The following MPPED1 variants were observed in gnomAD, a reference collection of about 807,000 sequenced individuals.
The protein encoded by MPPED1 is metallophosphoesterase domain-containing protein 1.
MPPED1 carries 16 observed loss-of-function variants against 36.2 expected under a neutral mutation model. That is an observed-to-expected ratio of 0.44 (90% CI 0.30 to 0.67). The LOEUF is 0.67. MPPED1 is among the 30% of genes least tolerant of loss of function. The pLI is 0.10. For synonymous variants in MPPED1, 199 were observed against 191.3 expected (o/e 1.04, Z -0.33); for missense variants, 307 against 453.4 (o/e 0.68, Z 2.93).
intron 3 of MPPED1, among the ~76,000 whole-genome samples, chr22:43,467,835 C>T (rs868725335): frequency 1.2e-4 from 18 of 152,150 alleles, no homozygotes; most frequent in Non-Finnish European, 2.2e-4. Flanking sequence ...TACTTTGCTC[C>T]GGGAATGGCA....
intron 4 of MPPED1, among the ~76,000 whole-genome samples, chr22:43,478,770 C>T (rs1931654490): frequency 6.6e-6 from 1 of 152,166 alleles, no homozygotes; most frequent in Non-Finnish European, 1.5e-5. Context: ...CGTCCACCCA[C>T]CGTGCTGCTG....
At chr22:43,488,544 T>G (rs1413876922) in intron 4 of MPPED1, among the ~76,000 whole-genome samples, 2 of 152,214 alleles carry the variant, frequency 1.3e-5, no homozygotes, top group East Asian at 1.9e-4. Context: ...TAGACGGGAC[T>G]CGAAGGTTAC....
chr22:43,467,323 A>G (rs2146876100), intron 3 of MPPED1, among the ~76,000 whole-genome samples: 1 of 152,344 alleles, frequency 6.6e-6, no homozygotes, highest in South Asian at 2.1e-4. Flanking sequence ...AGTACAGGGT[A>G]GCAGAATTCA....
chr22:43,455,115 C>CTTTTTTTTTTTTTTTTT lies in MPPED1; in HGVS notation c.407-19609_407-19608insTTTTTTTTTTTTTTTTT, dbSNP rs71284734. On this transcript the variant is annotated intron_variant, in intron 3 of 6. Transcript: ENST00000443721. The stretch of plus-strand genomic sequence containing the variant: ...TTCTCTGCCTCTCTGCCTTCATGTC[C>CTTTTTTTTTTTTTTTTT]TTTTTTTTTTTTGAGACGAAGTCTT... Among the ~76,000 whole-genome samples, 11 of 122,766 alleles carry CTTTTTTTTTTTTTTTTT rather than the reference C, an allele frequency of 9.0e-5. 2 individuals carry two copies. The highest frequency in any genetic ancestry group is 9.8e-5 in the Non-Finnish European group (6 of 61,508). The allele number at this position is 122,766 out of a possible 152,430, so 80.5% of individuals were successfully genotyped here.
intron 3 of MPPED1, among the ~76,000 whole-genome samples, chr22:43,447,390 A>G (rs772800606): frequency 2.0e-5 from 3 of 152,174 alleles, no homozygotes; most frequent in Non-Finnish European, 4.4e-5. Context: ...TGAACAAGCC[A>G]GAAAATCCTG....
intron 4 of MPPED1, among the ~76,000 whole-genome samples, chr22:43,496,264 A>G (rs372763359): frequency 0.28 from 2,462 of 8,876 alleles, 15 homozygotes; most frequent in Middle Eastern, 0.36. Context: ...TGGTGGAGGT[A>G]GTGGTGGTGG....
intron 2 of MPPED1, among the ~76,000 whole-genome samples, chr22:43,428,542 G>A (rs1183823314): frequency 6.6e-6 from 1 of 152,204 alleles, no homozygotes. Context: ...GAGCGGTGGG[G>A]GGATGGCTGC....
At chr22:43,500,095 A>T (rs1275311761) in intron 5 of MPPED1, among the ~76,000 whole-genome samples, 1 of 88,466 alleles carries the variant, frequency 1.1e-5, no homozygotes. Flanking sequence ...ATGGCGATGG[A>T]GGTGGTAGTG....
chr22:43,481,417 A>G (rs575173179), intron 4 of MPPED1, among the ~76,000 whole-genome samples: 1 of 152,054 alleles, frequency 6.6e-6, no homozygotes, highest in South Asian at 2.1e-4. Flanking sequence ...TCTTTATCCT[A>G]CTAGGGCGTC....
intron 3 of MPPED1, among the ~76,000 whole-genome samples, chr22:43,457,335 T>C (rs1412705598): frequency 6.6e-6 from 1 of 152,208 alleles, no homozygotes; most frequent in Non-Finnish European, 1.5e-5. Context: ...ACAGCTCTCT[T>C]TTGGCGTCTG....
chr22:43,491,352 A>G (rs1365630571), intron 4 of MPPED1, among the ~76,000 whole-genome samples: 1 of 151,518 alleles, frequency 6.6e-6, no homozygotes, highest in African/African-American at 2.4e-5. Context: ...GATGAGAGTG[A>G]TGATGTTGAT....
chr22:43,494,249 A>G (rs1314221114), intron 4 of MPPED1, among the ~76,000 whole-genome samples: 1 of 152,222 alleles, frequency 6.6e-6, no homozygotes, highest in Non-Finnish European at 1.5e-5. Flanking sequence ...TGTGTTGCCC[A>G]GGCTGGTCTT....
At chr22:43,412,233 C>G in intron 1 of MPPED1, 75 bp downstream of exon 1, 1 of 871,138 alleles carries the variant, frequency 1.1e-6, no homozygotes, top group Non-Finnish European at 1.4e-6. Flanking sequence ...GGACCCTCTC[C>G]AGGCGCTGGG....
At chr22:43,499,858 A>AGGT (rs748176517) in intron 5 of MPPED1, among the ~76,000 whole-genome samples, 1 of 2,532 alleles carries the variant, frequency 3.9e-4, no homozygotes, top group Non-Finnish European at 7.3e-4. Flanking sequence ...GTGATGGTGG[A>AGGT]GGTGGTGGTG....
At chr22:43,432,640 A>AAAGG (rs1569067293) in intron 2 of MPPED1, among the ~76,000 whole-genome samples, 1 of 514 alleles carries the variant, frequency 1.9e-3, no homozygotes, top group African/African-American at 7.0e-3. Context: ...AGAGAGAGAG[A>AAAGG]GAGGGAAAGA....
chr22:43,431,914 G>A (rs929677109), intron 2 of MPPED1, among the ~76,000 whole-genome samples: 3 of 152,276 alleles, frequency 2.0e-5, no homozygotes, highest in East Asian at 3.9e-4. Flanking sequence ...CAGAAGCCTC[G>A]GGGTGCAGGG....
intron 4 of MPPED1, among the ~76,000 whole-genome samples, chr22:43,485,506 G>A (rs546560099): frequency 4.0e-5 from 6 of 151,330 alleles, no homozygotes; most frequent in African/African-American, 1.5e-4. Context: ...GGATGCACAC[G>A]TCATACACAT....
At chr22:43,431,112 G>A (rs1929670714) in intron 2 of MPPED1, among the ~76,000 whole-genome samples, 1 of 126,716 alleles carries the variant, frequency 7.9e-6, no homozygotes, top group Admixed American at 1.1e-4. Flanking sequence ...TGCGATCTCA[G>A]CTCACTGTAA....
intron 3 of MPPED1, among the ~76,000 whole-genome samples, chr22:43,437,670 A>AT (rs1285183481): frequency 6.6e-6 from 1 of 152,212 alleles, no homozygotes; most frequent in African/African-American, 2.4e-5. Context: ...TCTGGGCCTC[A>AT]TTTTAAAAGG....
Sources: allele counts gnomAD v4.1 joint callset (sites outside exome capture counted in the v4.1 genomes callset), GRCh38; gene constraint gnomAD v4.1.1; transcripts MANE v1.5; gene names NCBI Gene and HGNC (gene_info 2026-07-23, HGNC 2026-07-21).